STK10: variants seen among roughly 807,000 people sequenced by gnomAD.
STK10 encodes serine/threonine-protein kinase 10.
A neutral mutation model predicts 113.8 loss-of-function variants in STK10; 78 were observed. The observed-to-expected ratio is 0.69, with a 90% CI of 0.57 to 0.83. STK10 has a LOEUF of 0.83. Ranked by LOEUF, STK10 falls within the 40% of genes least tolerant of loss-of-function variation. The pLI is 0.00. For missense variants in STK10, 1,109 were observed against 1,280.1 expected, an observed-to-expected ratio of 0.87 and a Z score of 2.04; for synonymous variants, 465 against 494.7, an observed-to-expected ratio of 0.94 and a Z score of 0.80.
At chr5:172,073,793 CAAAAAAAA>C (rs60492751) in intron 12 of STK10, among the ~76,000 whole-genome samples, 1 of 58,446 alleles carries the variant, frequency 1.7e-5, no homozygotes, top group East Asian at 5.5e-4. Flanking sequence ...CTAAAAATAG[CAAAAAAAA>C]AAAAAAAAAA....
At chr5:172,083,452 T>C (rs986720589) in intron 10 of STK10, among the ~76,000 whole-genome samples, 6 of 152,176 alleles carry the variant, frequency 3.9e-5, no homozygotes, top group African/African-American at 1.2e-4. Flanking sequence ...TGCAGAAAAT[T>C]TGATGTAGAA....
At chr5:172,047,574 C>T (rs747406360) in intron 18 of STK10, among the ~76,000 whole-genome samples, 1 of 152,182 alleles carries the variant, frequency 6.6e-6, no homozygotes, top group Non-Finnish European at 1.5e-5. Flanking sequence ...TGGCCAGCTT[C>T]CAGCCAGAAA....
rs367547073 is a variant in STK10, at chr5:172,152,875, A to G, written c.321+3749T>C. On this transcript the variant is annotated intron_variant, in intron 2 of 18. Coordinates refer to ENST00000176763, the MANE Select transcript of STK10 (RefSeq NM_005990.4). ...GTAAAATAGCTCAATAACTCTTTCA[A>G]TGGATCACATGTCAAAATGATCATA... Among the ~76,000 whole-genome samples the G allele has an allele frequency of 1.5e-3, 231 of 152,372 alleles. 7 individuals are homozygous for G. In the South Asian group the frequency reaches 0.045, roughly 30 times the overall value.
chr5:172,082,068 G>A lies in STK10; in HGVS notation c.1989+258C>T, dbSNP rs1173327817. ...CTCGGCAGGGGTTGCTAAGCTGGGA[G>A]GATGTAAAGGAAGCTGCCTGAGGCC... On this transcript the variant is annotated intron_variant, in intron 12 of 18. Coordinates refer to ENST00000176763, the MANE Select transcript of STK10 (RefSeq NM_005990.4). The surrounding 1 kb of genome is among the most constrained non-coding windows in gnomAD (Gnocchi z 4.3). Among the ~76,000 whole-genome samples, 1 of 152,138 alleles carries A rather than the reference G, an allele frequency of 6.6e-6. No homozygotes were observed. Among genetic ancestry groups the A allele is most frequent in the Non-Finnish European group, 1.5e-5 (1 of 68,018 alleles).
intron 2 of STK10, among the ~76,000 whole-genome samples, chr5:172,130,462 C>T (rs1194225412): frequency 2.0e-5 from 3 of 150,770 alleles, no homozygotes; most frequent in Non-Finnish European, 4.4e-5. Context: ...ACCCAGGAGG[C>T]GGAGGCTGCA....
At chr5:172,115,711 A>G (rs1769368203) in intron 4 of STK10, among the ~76,000 whole-genome samples, 1 of 152,182 alleles carries the variant, frequency 6.6e-6, no homozygotes, top group South Asian at 2.1e-4. Flanking sequence ...CGGCAATGTG[A>G]CCTTGGATAA....
At chr5:172,054,545 G>A (rs1036385581) in intron 17 of STK10, 24 bp downstream of exon 17, 1 of 1,599,512 alleles carries the variant, frequency 6.3e-7, no homozygotes, top group Admixed American at 1.7e-5. Context: ...CTGGGGGCAG[G>A]GGCAGGGGCA....
chr5:172,087,669 C>T lies in STK10; in HGVS notation c.1685+2563G>A, dbSNP rs372181387. Among the ~76,000 whole-genome samples, 17 of 137,334 alleles carry T rather than the reference C, an allele frequency of 1.2e-4. 1 individual carries two copies. The highest frequency in any genetic ancestry group is 1.8e-4 in the African/African-American group (6 of 34,200). The allele number at this position is 137,334 out of a possible 152,430, so 90.1% of individuals were successfully genotyped here. ...CGGAGTCTCGCTCTGTCGCCCAGGC[C>T]GGACTGCGGACTGCAGTGGCGCAAT... On this transcript the variant is annotated intron_variant, in intron 10 of 18. Coordinates refer to ENST00000176763, the MANE Select transcript of STK10 (RefSeq NM_005990.4).
At position 172,053,105 on chromosome 5, in the gene STK10, C is replaced by T. The variant is rs1431247548; in HGVS notation, c.2653-63G>A. ...AAGACGCAGGCCCTGAAGACTGAGA[C>T]ACACCTCACGCTGTGGCTACGAGGG... is the stretch of plus-strand genomic sequence containing the variant. On this transcript the variant is annotated intron_variant, in intron 17 of 18. Transcript: ENST00000176763. 1.9e-5 allele frequency: 26 copies of T among 1,350,648 alleles called. No individual in the cohort carries two copies. In the Admixed American group the frequency reaches 4.4e-4, roughly 23 times the overall value. The allele number at this position is 1,350,648 out of a possible 1,614,324, so 83.7% of individuals were successfully genotyped here.
At chr5:172,110,811 T>C (rs1349873933) in intron 4 of STK10, among the ~76,000 whole-genome samples, 1 of 152,094 alleles carries the variant, frequency 6.6e-6, no homozygotes, top group East Asian at 1.9e-4. Flanking sequence ...CAAAGCACTG[T>C]GATGCAAGGT....
At chr5:172,144,830 C>A (rs1334015295) in intron 2 of STK10, among the ~76,000 whole-genome samples, 1 of 152,102 alleles carries the variant, frequency 6.6e-6, no homozygotes, top group East Asian at 1.9e-4. Flanking sequence ...GAGGGAACAT[C>A]TAAGGGATGA....
At position 172,156,868 on chromosome 5, in the gene STK10, A is replaced by T; in HGVS notation, c.157-80T>A. On this transcript the variant is annotated intron_variant, in intron 1 of 18. Transcript: ENST00000176763. ...TTTGGACGTGAGCCCGCAGTCCTGC[A>T]TGAGTGTGAAAACAGAGGCCGGATG... is the stretch of plus-strand genomic sequence containing the variant. The T allele has an allele frequency of 4.0e-6, 6 of 1,508,286 alleles. No individual in the cohort carries two copies. In the South Asian group the frequency reaches 7.6e-5, roughly 19 times the overall value. The allele number at this position is 1,508,286 out of a possible 1,614,324, so 93.4% of individuals were successfully genotyped here.
At chr5:172,135,318 C>G (rs114085895) in intron 2 of STK10, among the ~76,000 whole-genome samples, 360 of 152,102 alleles carry the variant, frequency 2.4e-3, no homozygotes, top group African/African-American at 7.2e-3. Flanking sequence ...TTTGAGACAG[C>G]CTGGCCGACA....
chr5:172,129,210 G>A (rs1769694613), intron 2 of STK10, among the ~76,000 whole-genome samples: 1 of 152,190 alleles, frequency 6.6e-6, no homozygotes, highest in African/African-American at 2.4e-5. Context: ...TAAAACAGGG[G>A]ACTTTAACGT....
At chr5:172,106,370 C>T (rs1769105797) in intron 6 of STK10, among the ~76,000 whole-genome samples, 1 of 121,452 alleles carries the variant, frequency 8.2e-6, no homozygotes, top group Non-Finnish European at 1.7e-5. Context: ...CCACTGTACT[C>T]CAGCCTGGGC....
chr5:172,049,583 C>T lies in STK10; in HGVS notation c.2766+3346G>A, dbSNP rs143971855. On this transcript the variant is annotated intron_variant, in intron 18 of 18. Transcript: ENST00000176763. Reference sequence around the variant, plus strand: ...ACAGTAGTTCTCGAAGTGTGGTCCACGAACCCCTAGGGGGCCCAAAACGCT... The same window carrying T: ...ACAGTAGTTCTCGAAGTGTGGTCCATGAACCCCTAGGGGGCCCAAAACGCT... 4.0e-5 allele frequency among the ~76,000 whole-genome samples: 6 copies of T among 151,178 alleles called. No individual in the cohort carries two copies. In the East Asian group the frequency reaches 7.8e-4, roughly 20 times the overall value.
intron 12 of STK10, among the ~76,000 whole-genome samples, chr5:172,077,301 A>C (rs10476003): frequency 0.17 from 25,601 of 152,224 alleles, 2,376 homozygotes; most frequent in African/African-American, 0.24. Context: ...ACAGAGATCC[A>C]AACTATTTAA....
Position 172,055,674 on chromosome 5 carries a change from C to G in STK10, c.2440G>C (p.Gly814Arg). ...ARLPKIQRSE[G>R]KTRMAMYKKS... ...TTGTACATGGCCATGCGCGTCTTGC[C>G]CTCACTCCTCTGGATCTTGGGCAGC... Residue 814 changes from glycine (G) to arginine (R), a missense_variant, in exon 16 of 19, where the codon GGC becomes CGC. Physicochemically the swap from Gly to Arg is moderately radical, Grantham distance 125 (BLOSUM62 -2). Coordinates refer to ENST00000176763, the MANE Select transcript of STK10 (RefSeq NM_005990.4). 1 of 1,588,418 alleles carries G rather than the reference C, an allele frequency of 6.3e-7. No individual in the cohort carries two copies. The highest frequency in any genetic ancestry group is 8.6e-7 in the Non-Finnish European group (1 of 1,165,494).
At chr5:172,057,251 A>C in intron 15 of STK10, 98 bp downstream of exon 15, 1 of 1,505,072 alleles carries the variant, frequency 6.6e-7, no homozygotes, top group African/African-American at 1.4e-5. Context: ...TTGTCATCCA[A>C]AGTGTGCACC....
Sources: allele counts gnomAD v4.1 joint callset (sites outside exome capture counted in the v4.1 genomes callset), GRCh38; gene constraint gnomAD v4.1.1; non-coding constraint Gnocchi (gnomAD v3.1); transcripts MANE v1.5; gene names NCBI Gene and HGNC (gene_info 2026-07-23, HGNC 2026-07-21).